The following SHISA9 variants were observed in gnomAD, a reference collection of about 807,000 sequenced individuals.
SHISA9 encodes the protein shisa family member 9.
In SHISA9, 13 loss-of-function variants were observed where a neutral mutation model predicts 38.0. The observed-to-expected ratio is 0.34, with a 90% CI of 0.22 to 0.54. The LOEUF (loss-of-function observed/expected upper bound fraction) is 0.54. Ranked by LOEUF, SHISA9 falls within the 20% of genes least tolerant of loss-of-function variation. The pLI is 0.91. For synonymous variants in SHISA9, 275 were observed against 242.0 expected, an observed-to-expected ratio of 1.14 and a Z score of -1.27; for missense variants, 538 against 575.8, an observed-to-expected ratio of 0.93 and a Z score of 0.67.
intron 2 of SHISA9, among the ~76,000 whole-genome samples, chr16:12,970,794 G>A (rs935361675): frequency 6.6e-6 from 1 of 151,750 alleles, no homozygotes; most frequent in Non-Finnish European, 1.5e-5. Flanking sequence ...AGAGTGCTGG[G>A]ATTACAGGTG....
the SHISA9 span, among the ~76,000 whole-genome samples, chr16:13,360,285 T>C: frequency 3.1e-4 from 47 of 152,306 alleles, no homozygotes; most frequent in African/African-American, 1.1e-3. Context: ...GTGTCCCACT[T>C]CAGTTCCCCA....
intron 2 of SHISA9, among the ~76,000 whole-genome samples, chr16:12,939,138 C>T (rs2071575438): frequency 6.6e-6 from 1 of 152,064 alleles, no homozygotes; most frequent in South Asian, 2.1e-4. Context: ...GGCTGGAGTG[C>T]AGTGGCACAA....
chr16:13,138,046 G>A (rs911794446), intron 2 of SHISA9, among the ~76,000 whole-genome samples: 13 of 152,130 alleles, frequency 8.5e-5, no homozygotes, highest in Non-Finnish European at 1.6e-4. Context: ...ATTCTGACTC[G>A]GTGGGTCTGG....
In SHISA9 at chr16:13,203,557, C is replaced by A. The variant is rs368537943; in HGVS notation, c.847+8C>A. On this transcript the variant is annotated splice_region_variant and intron_variant, in intron 3 of 4. Transcript: ENST00000558583. ...CCTCCTTAAAGGCAGTCGGTAAGTG[C>A]CACCTGATGGATCTTTTTCTCTTTC... The A allele has an allele frequency of 5.5e-5, 82 of 1,502,730 alleles. No homozygotes were observed. In the African/African-American group the frequency reaches 7.8e-4, roughly 14 times the overall value. 93.1% of individuals were successfully genotyped at this position (1,502,730 alleles called of 1,614,324 possible). A position where few individuals can be genotyped will look rare whatever the true frequency, so the allele number is the denominator to read the frequency against.
chr16:13,051,275 GT>G (rs778548290), intron 2 of SHISA9, among the ~76,000 whole-genome samples: 1 of 152,214 alleles, frequency 6.6e-6, no homozygotes, highest in Non-Finnish European at 1.5e-5. Context: ...GAGAGAGCAT[GT>G]GCAGGGGAAC....
intron 4 of SHISA9, among the ~76,000 whole-genome samples, chr16:13,226,475 C>T (rs190678507): frequency 6.6e-6 from 1 of 152,304 alleles, no homozygotes; most frequent in African/African-American, 2.4e-5. Context: ...GATCCCTTGC[C>T]TTCTTCATCT....
At chr16:13,256,363 C>G in the SHISA9 span, among the ~76,000 whole-genome samples, 3 of 152,224 alleles carry the variant, frequency 2.0e-5, no homozygotes, top group Admixed American at 2.0e-4. Flanking sequence ...CTCACCGCAA[C>G]CTCTGCCTCC....
chr16:13,456,236 A>G, the SHISA9 span, among the ~76,000 whole-genome samples: 10 of 152,302 alleles, frequency 6.6e-5, no homozygotes, highest in South Asian at 1.9e-3. Flanking sequence ...TCATCCTTCT[A>G]AAATGAAAAC....
chr16:13,440,598 C>T, the SHISA9 span, among the ~76,000 whole-genome samples: 4 of 152,280 alleles, frequency 2.6e-5, no homozygotes, highest in East Asian at 7.7e-4. Flanking sequence ...AATGTCTTTT[C>T]TATTAGCCTA....
At chr16:13,114,206 C>G (rs2074007202) in intron 2 of SHISA9, among the ~76,000 whole-genome samples, 1 of 152,030 alleles carries the variant, frequency 6.6e-6, no homozygotes, top group South Asian at 2.1e-4. Context: ...GTGGCTCACA[C>G]CTGTAATCCC....
intron 1 of SHISA9, among the ~76,000 whole-genome samples, chr16:12,903,942 T>A (rs891276974): frequency 1.5e-5 from 2 of 129,932 alleles, no homozygotes; most frequent in Non-Finnish European, 3.3e-5. Flanking sequence ...TCCGATGAGA[T>A]TTTTTTTTTT....
chr16:13,429,165 G>A, the SHISA9 span, among the ~76,000 whole-genome samples: 13 of 152,294 alleles, frequency 8.5e-5, no homozygotes, highest in East Asian at 2.3e-3. Flanking sequence ...TAGACCAGGT[G>A]AGAAATAACA....
intron 2 of SHISA9, among the ~76,000 whole-genome samples, chr16:12,970,001 G>A (rs1251651910): frequency 6.6e-6 from 1 of 151,904 alleles, no homozygotes; most frequent in Non-Finnish European, 1.5e-5. Context: ...AGAAAAATGA[G>A]ATGGGGAGAG....
At chr16:13,559,274 G>A in the SHISA9 span, among the ~76,000 whole-genome samples, 1 of 152,122 alleles carries the variant, frequency 6.6e-6, no homozygotes. Flanking sequence ...CCCTCATTTT[G>A]TAGATGGGAA....
intron 2 of SHISA9, among the ~76,000 whole-genome samples, chr16:12,969,844 C>T (rs2072031662): frequency 6.6e-6 from 1 of 152,126 alleles, no homozygotes; most frequent in African/African-American, 2.4e-5. Flanking sequence ...TTCATTAAAT[C>T]AGCACGCAAA....
the SHISA9 span, among the ~76,000 whole-genome samples, chr16:13,379,532 AG>A: frequency 6.6e-6 from 1 of 152,188 alleles, no homozygotes; most frequent in African/African-American, 2.4e-5. Context: ...GGAATTCATC[AG>A]GGGCTGACAA....
intron 2 of SHISA9, among the ~76,000 whole-genome samples, chr16:13,100,249 C>G (rs1482893336): frequency 6.6e-6 from 1 of 152,202 alleles, no homozygotes; most frequent in Non-Finnish European, 1.5e-5. Context: ...ATTTGCAGTA[C>G]CTTTTTGGCA....
At chr16:13,429,249 A>G in the SHISA9 span, among the ~76,000 whole-genome samples, 48 of 152,346 alleles carry the variant, frequency 3.2e-4, no homozygotes, top group African/African-American at 1.1e-3. Flanking sequence ...GTCTACCATA[A>G]CAAAATACCA....
chr16:13,302,116 A>G, the SHISA9 span, among the ~76,000 whole-genome samples: 1 of 152,196 alleles, frequency 6.6e-6, no homozygotes, highest in East Asian at 1.9e-4. Context: ...TCATCACATT[A>G]TAGGACATAG....
Sources: allele counts gnomAD v4.1 joint callset (sites outside exome capture counted in the v4.1 genomes callset), GRCh38; gene constraint gnomAD v4.1.1; transcripts MANE v1.5; gene names NCBI Gene and HGNC (gene_info 2026-07-23, HGNC 2026-07-21).